Variants in KCTD13 observed in about 807,000 individuals in gnomAD.
KCTD13 encodes the protein potassium channel tetramerization domain containing 13.
Under a neutral mutation model 32.3 loss-of-function variants are expected in KCTD13, and 15 were observed. That is an observed-to-expected ratio of 0.46 (90% CI 0.31 to 0.71). The LOEUF is 0.71. Among genes scored for constraint, KCTD13 ranks in the 30% least tolerant of loss-of-function variants. The pLI, the probability that KCTD13 is intolerant of heterozygous loss-of-function variation, is 0.05. For synonymous variants in KCTD13, 189 were observed against 200.1 expected, an observed-to-expected ratio of 0.94 and a Z score of 0.47; for missense variants, 337 against 452.6, an observed-to-expected ratio of 0.74 and a Z score of 2.32.
rs753145100 is a variant in KCTD13, at chr16:29,912,252, A to G, written c.415-203T>C. On this transcript the variant is annotated intron_variant, in intron 2 of 5. Transcript: ENST00000568000. Reference sequence around the variant, plus strand: ...TCCCACGGACACCTTGCTGCTTCACACATCCAGCTTGTGCCTGCCCCGGCC... The same window carrying G: ...TCCCACGGACACCTTGCTGCTTCACGCATCCAGCTTGTGCCTGCCCCGGCC... 52 of 601,190 alleles carry G rather than the reference A, an allele frequency of 8.6e-5. 1 individual carries two copies. The highest frequency in any genetic ancestry group is 1.5e-4 in the Non-Finnish European group (51 of 344,016). The allele number at this position is 601,190 out of a possible 1,614,324, so 37.2% of individuals were successfully genotyped here. A position where few individuals can be genotyped will look rare whatever the true frequency, so the allele number is the denominator to read the frequency against.
intron 5 of KCTD13, among the ~76,000 whole-genome samples, chr16:29,909,050 GATTCATTC>G (rs35566440): frequency 6.6e-6 from 1 of 151,168 alleles, no homozygotes; most frequent in Non-Finnish European, 1.5e-5. Flanking sequence ...CTGGGTCACT[GATTCATTC>G]ATTCATTCAT....
rs769517571 is a variant in KCTD13, at chr16:29,923,244, T to C, written c.360A>G (p.Glu120=). 7.4e-6 allele frequency: 12 copies of C among 1,614,194 alleles called. No individual in the cohort carries two copies. Among genetic ancestry groups the C allele is most frequent in the Middle Eastern group, 1.6e-4 (1 of 6,062 alleles). ...STRELGELLG[E]ARYYLVQGLI... ...GGCCCTGCACCAGGTAGTAGCGTGC[T>C]TCGCCCAGCAGCTCCCCCAGTTCTC... Residue 120 remains glutamate, a synonymous_variant, in exon 2 of 6, where the codon GAA becomes GAG. Transcript: ENST00000568000.
chr16:29,908,419 C>T (rs1470487365), intron 5 of KCTD13, among the ~76,000 whole-genome samples: 4 of 152,044 alleles, frequency 2.6e-5, no homozygotes, highest in Admixed American at 2.0e-4. Flanking sequence ...GAGTCTTGCT[C>T]TGTCACCCAG....
rs368322620 is a variant in KCTD13, at chr16:29,920,333, AAAAC to A, written c.414+2853_414+2856del. 23 of 152,346 alleles carry A rather than the reference AAAAC, an allele frequency of 1.5e-4. No individual in the cohort carries two copies. The East Asian group carries it at 4.0e-3, about 27-fold the overall frequency. The allele number at this position is 152,346 out of a possible 1,614,324, so 9.4% of individuals were successfully genotyped here. A position where few individuals can be genotyped will look rare whatever the true frequency, so the allele number is the denominator to read the frequency against. ...AGCAAGACTCCACCTCAAAAAAAGA[AAAAC>A]AAAAACAAAAACAAAAAAACAGCAA... is the stretch of plus-strand genomic sequence containing the variant. On this transcript the variant is annotated intron_variant, in intron 2 of 5. Coordinates refer to ENST00000568000, the MANE Select transcript of KCTD13 (RefSeq NM_178863.5).
rs895675735 is a variant in KCTD13 at position 29,911,043 on chromosome 16, C to T, written c.688G>A (p.Gly230Ser). 4 of 1,614,164 alleles carry T rather than the reference C, an allele frequency of 2.5e-6. No individual in the cohort carries two copies. The highest frequency in any genetic ancestry group is 3.4e-6 in the Non-Finnish European group (4 of 1,180,032). The change falls in exon 5 of 6, where the codon GGC (glycine) becomes AGC (serine). Residue 230 changes from glycine (G) to serine (S), a missense_variant. Gly to Ser is a moderately conservative substitution (Grantham distance 56). Transcript: ENST00000568000. ...EICCWSFYGQ[G>S]RKIAEVCCTS... ...CAGCACACCTCGGCGATTTTGCGGC[C>T]CTGCCCGTAGAAAGACCAGCAGCAG...
At position 29,923,248 on chromosome 16, in the gene KCTD13, C is replaced by T. The variant is rs1330454362; in HGVS notation, c.356G>A (p.Gly119Asp). 1.2e-6 allele frequency: 2 copies of T among 1,614,188 alleles called. No individual in the cohort carries two copies. Among genetic ancestry groups the T allele is most frequent in the East Asian group, 2.2e-5 (1 of 44,884 alleles). Residue 119 changes from glycine (G) to aspartate (D), a missense_variant, in exon 2 of 6, where the codon GGC becomes GAC. Physicochemically the swap from Gly to Asp is moderately conservative, Grantham distance 94 (BLOSUM62 -1). Coordinates refer to ENST00000568000, the MANE Select transcript of KCTD13 (RefSeq NM_178863.5). ...ESTRELGELL[G>D]EARYYLVQGL... is the part of the protein sequence containing the mutation. The stretch of plus-strand genomic sequence containing the variant: ...CTGCACCAGGTAGTAGCGTGCTTCG[C>T]CCAGCAGCTCCCCCAGTTCTCTCGT...
At position 29,926,138 on chromosome 16, in the gene KCTD13, C is replaced by A. The variant is rs1164391901; in HGVS notation, c.-105G>T. 1.6e-6 allele frequency: 2 copies of A among 1,263,226 alleles called. No homozygotes were observed. The highest frequency in any genetic ancestry group is 3.5e-5 in the Admixed American group (1 of 28,878). 78.3% of individuals were successfully genotyped at this position (1,263,226 alleles called of 1,614,324 possible). A position where few individuals can be genotyped will look rare whatever the true frequency, so the allele number is the denominator to read the frequency against. On this transcript the variant is annotated 5_prime_UTR_variant, in exon 1 of 6. Coordinates refer to ENST00000568000, the MANE Select transcript of KCTD13 (RefSeq NM_178863.5). Reference sequence around the variant, plus strand: ...CCAGCCCTTGGGCCAGACCGCTCGGCGCACACGCCCACTCACCGCAGCTAC... The same window carrying A: ...CCAGCCCTTGGGCCAGACCGCTCGGAGCACACGCCCACTCACCGCAGCTAC...
intron 2 of KCTD13, 133 bp from the exon 3 acceptor site, chr16:29,912,182 T>C: frequency 1.5e-6 from 1 of 675,088 alleles, no homozygotes. Flanking sequence ...GGCTCCAAGC[T>C]CCGCCAGCCT....
chr16:29,911,339 A>G (rs1161546216), intron 4 of KCTD13, 166 bp from the exon 5 acceptor site: 1 of 621,412 alleles, frequency 1.6e-6, no homozygotes, highest in East Asian at 2.7e-5. Flanking sequence ...GGGTCTCAGA[A>G]GGGAAGCCAC....
At chr16:29,922,135 T>C (rs2068924970) in intron 2 of KCTD13, 1 of 152,188 alleles carries the variant, frequency 6.6e-6, no homozygotes, top group African/African-American at 2.4e-5. Flanking sequence ...TAAAAGTATC[T>C]TTTTATAGAA....
At position 29,925,964 on chromosome 16, in the gene KCTD13, G is replaced by C. The variant is rs749372584; in HGVS notation, c.70C>G (p.Leu24Val). ...PSLEAPKPSG[L>V]EPGPAAYGLK... is the part of the protein sequence containing the mutation. The stretch of plus-strand genomic sequence containing the variant: ...CCGTAGGCGGCGGGGCCAGGCTCGA[G>C]ACCCGAGGGCTTGGGGGCTTCCAGG... Residue 24 changes from leucine to valine, a missense_variant, in exon 1 of 6, where the codon CTC becomes GTC. By Grantham distance (32) the Leu-to-Val change is conservative. Transcript: ENST00000568000. 13 of 1,613,184 alleles carry C rather than the reference G, an allele frequency of 8.1e-6. No homozygotes were observed. Among genetic ancestry groups the C allele is most frequent in the Non-Finnish European group, 1.0e-5 (12 of 1,179,630 alleles).
chr16:29,910,482 C>G (rs1375455120), intron 5 of KCTD13, among the ~76,000 whole-genome samples: 12 of 152,088 alleles, frequency 7.9e-5, no homozygotes, highest in Admixed American at 7.2e-4. Flanking sequence ...GCTGGGATTA[C>G]AGGTGCATGC....
At position 29,907,027 on chromosome 16, in the gene KCTD13, G is replaced by A; in HGVS notation, c.835C>T (p.Leu279Phe). 1 of 1,614,178 alleles carries A rather than the reference G, an allele frequency of 6.2e-7. No homozygotes were observed. Among genetic ancestry groups the A allele is most frequent in the Non-Finnish European group, 8.5e-7 (1 of 1,180,014 alleles). ...GCTGCTCCCCCTGTGGCCTCCAGGA[G>A]GGCTGGGTCTGGGCCCCGGGGAGTC... ...YETPRGPDPA[L>F]LEATGGAAGA... Residue 279 changes from leucine (L) to phenylalanine (F), a missense_variant, in exon 6 of 6, where the codon CTC (leucine) becomes TTC (phenylalanine). By Grantham distance (22) the Leu-to-Phe change is conservative (BLOSUM62 0). Transcript: ENST00000568000.
At chr16:29,919,201 C>G (rs114038355) in intron 2 of KCTD13, among the ~76,000 whole-genome samples, 1 of 152,172 alleles carries the variant, frequency 6.6e-6, no homozygotes, top group Non-Finnish European at 1.5e-5. Context: ...AGTTGGAAAG[C>G]GGGTCATTGT....
rs760065439 is a variant in KCTD13 at position 29,923,231 on chromosome 16, GGTAGTAGC to G, written c.365_372del (p.Arg122ProfsTer7). The stretch of plus-strand genomic sequence containing the variant: ...CAGTCCTCAATCAGGCCCTGCACCA[GGTAGTAGC>G]GTGCTTCGCCCAGCAGCTCCCCCAG... On this transcript the variant is annotated frameshift_variant, in exon 2 of 6. Coordinates refer to ENST00000568000, the MANE Select transcript of KCTD13 (RefSeq NM_178863.5). LOFTEE classifies it high-confidence loss of function. 6.2e-7 allele frequency: 1 copy of G among 1,614,116 alleles called. No homozygotes were observed. The highest frequency in any genetic ancestry group is 1.3e-5 in the African/African-American group (1 of 74,930).
At chr16:29,911,671 A>AG (rs897219590) in intron 4 of KCTD13, 144 bp downstream of exon 4, 2 of 767,032 alleles carry the variant, frequency 2.6e-6, no homozygotes, top group Non-Finnish European at 4.3e-6. Flanking sequence ...CTAGAGCGTC[A>AG]GGGGTAAGAG....
intron 5 of KCTD13, among the ~76,000 whole-genome samples, chr16:29,907,895 T>C (rs1173430651): frequency 6.6e-6 from 1 of 151,542 alleles, no homozygotes; most frequent in African/African-American, 2.4e-5. Flanking sequence ...CCCAGCACAT[T>C]GGGAGGCTAA....
chr16:29,913,373 G>C (rs1442692285), intron 2 of KCTD13: 1 of 152,156 alleles, frequency 6.6e-6, no homozygotes. Flanking sequence ...AAACACAACA[G>C]AGCGATCAGA....
At chr16:29,907,608 G>A (rs1436681745) in intron 5 of KCTD13, among the ~76,000 whole-genome samples, 2 of 151,874 alleles carry the variant, frequency 1.3e-5, no homozygotes, top group African/African-American at 4.8e-5. Context: ...GCAACATGGT[G>A]TAACCCCATC....
Sources: gnomAD v4.1 joint callset for allele counts (sites outside exome capture counted in the v4.1 genomes callset) on GRCh38, gnomAD v4.1.1 for gene constraint, MANE v1.5 for transcripts, NCBI Gene and HGNC (gene_info 2026-07-23, HGNC 2026-07-21) for gene names.